The following ADGRB3 variants were observed in gnomAD, a reference collection of about 807,000 sequenced individuals.
ADGRB3 encodes the protein adhesion G protein-coupled receptor B3, also known as brain-specific angiogenesis inhibitor 3.
ADGRB3 carries 37 observed loss-of-function variants against 193.4 expected under a neutral mutation model. The observed-to-expected ratio is 0.19, with a 90% CI of 0.15 to 0.25. ADGRB3 has a LOEUF of 0.25. Ranked by LOEUF, ADGRB3 falls within the 10% of genes least tolerant of loss-of-function variation. ADGRB3 has a pLI of 1.00. For missense variants in ADGRB3, 1,637 were observed against 1,852.9 expected (o/e 0.88, Z 2.14); for synonymous variants, 690 against 644.2 (o/e 1.07, Z -1.08).
At chr6:68,746,163 C>T (rs1327231102) in intron 3 of ADGRB3, among the ~76,000 whole-genome samples, 3 of 151,828 alleles carry the variant, frequency 2.0e-5, no homozygotes, top group South Asian at 2.1e-4. Context: ...CTCTTGCCAA[C>T]GTTGCCTAAT....
intron 3 of ADGRB3, among the ~76,000 whole-genome samples, chr6:68,830,368 C>G (rs1413596503): frequency 2.0e-5 from 3 of 152,022 alleles, no homozygotes; most frequent in Non-Finnish European, 4.4e-5. Context: ...TTTCTGTAAC[C>G]AAGATCTCTC....
intron 3 of ADGRB3, among the ~76,000 whole-genome samples, chr6:68,701,355 C>T (rs1338004355): frequency 1.3e-5 from 2 of 152,058 alleles, no homozygotes; most frequent in African/African-American, 4.8e-5. Context: ...ACTGTTAGTT[C>T]CCTCCATCCT....
chr6:69,151,375 C>T (rs1241315979), intron 17 of ADGRB3, among the ~76,000 whole-genome samples: 2 of 152,170 alleles, frequency 1.3e-5, no homozygotes, highest in Non-Finnish European at 2.9e-5. Context: ...TTGCTTCCCA[C>T]TATGACAGGG....
intron 10 of ADGRB3, among the ~76,000 whole-genome samples, chr6:68,990,103 C>A (rs1769190779): frequency 6.6e-6 from 1 of 151,874 alleles, no homozygotes; most frequent in African/African-American, 2.4e-5. Context: ...GATGAGCAAA[C>A]CCATTTATTC....
chr6:68,761,716 T>A (rs1766396853), intron 3 of ADGRB3, among the ~76,000 whole-genome samples: 1 of 149,194 alleles, frequency 6.7e-6, no homozygotes, highest in African/African-American at 2.5e-5. Context: ...TCAAACTTGT[T>A]TGTCCTCTGA....
intron 17 of ADGRB3, among the ~76,000 whole-genome samples, chr6:69,144,518 C>T (rs1267353517): frequency 6.6e-6 from 1 of 152,112 alleles, no homozygotes. Flanking sequence ...TGGCTTTTCC[C>T]CATTCAGTAT....
In ADGRB3 at chr6:69,360,946, G is replaced by A; in HGVS notation, c.3673G>A (p.Glu1225Lys). ...TTCTAGGATTTCTCTAAATGATGAT[G>A]AAGAAGAAAAGGGAACAAACCCTGA... ...TLSRISLNDD[E>K]EEKGTNPEGL... Residue 1225 changes from glutamate to lysine, a missense_variant, in exon 29 of 32, where the codon GAA becomes AAA. Glu to Lys is a moderately conservative substitution (Grantham distance 56). Transcript: ENST00000370598. 4 of 1,612,510 alleles carry A rather than the reference G, an allele frequency of 2.5e-6. No individual in the cohort carries two copies. The highest frequency in any genetic ancestry group is 3.4e-6 in the Non-Finnish European group (4 of 1,179,032).
chr6:68,780,521 G>T (rs555535969), intron 3 of ADGRB3, among the ~76,000 whole-genome samples: 1 of 152,144 alleles, frequency 6.6e-6, no homozygotes, highest in East Asian at 1.9e-4. Flanking sequence ...AATGCATACC[G>T]CTTGAGAGTA....
intron 17 of ADGRB3, among the ~76,000 whole-genome samples, chr6:69,088,360 T>G (rs1454468462): frequency 6.6e-6 from 1 of 152,114 alleles, no homozygotes; most frequent in African/African-American, 2.4e-5. Context: ...CTTATGTGTT[T>G]CTTTGTTGTT....
At chr6:69,300,764 A>C (rs1767933555) in intron 20 of ADGRB3, among the ~76,000 whole-genome samples, 1 of 151,864 alleles carries the variant, frequency 6.6e-6, no homozygotes, top group Admixed American at 6.6e-5. Context: ...TAAACAAAGA[A>C]GTGAAAAATC....
intron 3 of ADGRB3, among the ~76,000 whole-genome samples, chr6:68,909,346 G>C (rs1409874940): frequency 2.0e-5 from 3 of 152,048 alleles, no homozygotes; most frequent in Non-Finnish European, 4.4e-5. Context: ...TAGTATCGTA[G>C]GACAAACAAC....
chr6:69,127,470 A>G (rs1040645230), intron 17 of ADGRB3, among the ~76,000 whole-genome samples: 3 of 152,130 alleles, frequency 2.0e-5, no homozygotes, highest in African/African-American at 7.2e-5. Flanking sequence ...TATTTCTCTA[A>G]GTTTGAAATG....
At chr6:68,833,414 G>A (rs1767989764) in intron 3 of ADGRB3, among the ~76,000 whole-genome samples, 1 of 151,270 alleles carries the variant, frequency 6.6e-6, no homozygotes, top group South Asian at 2.1e-4. Flanking sequence ...TGGTATCAGA[G>A]CAACACAATA....
intron 3 of ADGRB3, among the ~76,000 whole-genome samples, chr6:68,663,685 G>T (rs78789674): frequency 0.027 from 4,102 of 151,866 alleles, 172 homozygotes; most frequent in African/African-American, 0.093. Context: ...GCTTTGAATA[G>T]AAATAATTTT....
intron 3 of ADGRB3, among the ~76,000 whole-genome samples, chr6:68,773,182 T>C (rs564325898): frequency 6.6e-6 from 1 of 151,938 alleles, no homozygotes; most frequent in South Asian, 2.1e-4. Context: ...AACTTATAGG[T>C]TCAATATTAC....
intron 3 of ADGRB3, among the ~76,000 whole-genome samples, chr6:68,749,660 T>A (rs1766157594): frequency 6.6e-6 from 1 of 152,086 alleles, no homozygotes; most frequent in Admixed American, 6.6e-5. Flanking sequence ...CATAGTTTAA[T>A]CACTATGATT....
At chr6:68,929,276 A>C (rs1767271419) in intron 3 of ADGRB3, among the ~76,000 whole-genome samples, 1 of 152,180 alleles carries the variant, frequency 6.6e-6, no homozygotes, top group African/African-American at 2.4e-5. Flanking sequence ...CTCACCTGAC[A>C]AAAACAAACA....
intron 17 of ADGRB3, among the ~76,000 whole-genome samples, chr6:69,211,995 T>C (rs1765677796): frequency 6.6e-6 from 1 of 152,220 alleles, no homozygotes; most frequent in Admixed American, 6.5e-5. Flanking sequence ...GTTTATACTT[T>C]GTTATTTGAT....
chr6:69,013,889 T>C (rs537158448), intron 11 of ADGRB3, 149 bp from the exon 12 acceptor site: 6 of 450,728 alleles, frequency 1.3e-5, no homozygotes, highest in Non-Finnish European at 2.4e-5. Flanking sequence ...AAAAGGATCC[T>C]CAGTGATCTT....
Sources: gnomAD v4.1 joint callset for allele counts (sites outside exome capture counted in the v4.1 genomes callset) on GRCh38, gnomAD v4.1.1 for gene constraint, MANE v1.5 for transcripts, NCBI Gene and HGNC (gene_info 2026-07-23, HGNC 2026-07-21) for gene names.